Variants in RYK observed in about 807,000 individuals in gnomAD.
RYK encodes receptor like tyrosine kinase.
In RYK, 21 loss-of-function variants were observed where a neutral mutation model predicts 70.2. The observed-to-expected ratio is 0.30, with a 90% confidence interval of 0.21 to 0.43. The LOEUF is 0.43. Among genes scored for constraint, RYK ranks in the 20% least tolerant of loss-of-function variants. The probability of loss-of-function intolerance (pLI) is 1.00; values close to 1 mark genes in which losing one functional copy is unlikely to be tolerated. For synonymous variants in RYK, 267 were observed against 278.0 expected, an observed-to-expected ratio of 0.96 and a Z score of 0.39; for missense variants, 604 against 753.3, an observed-to-expected ratio of 0.80 and a Z score of 2.32.
At chr3:134,194,322 A>G (rs2013745784) in intron 7 of RYK, among the ~76,000 whole-genome samples, 1 of 152,128 alleles carries the variant, frequency 6.6e-6, no homozygotes, top group African/African-American at 2.4e-5. Flanking sequence ...ATTTTTACAC[A>G]TTTTACGTTT....
chr3:134,197,531 T>G (rs1037363504), intron 6 of RYK, among the ~76,000 whole-genome samples: 1 of 152,204 alleles, frequency 6.6e-6, no homozygotes, highest in Non-Finnish European at 1.5e-5. Flanking sequence ...CTACTATAGT[T>G]ATATTAATTA....
At chr3:134,159,453 C>CA in intron 13 of RYK, 80 bp from the exon 14 acceptor site, 1 of 1,319,632 alleles carries the variant, frequency 7.6e-7, no homozygotes, top group Non-Finnish European at 1.0e-6. Flanking sequence ...AGCTACAGGA[C>CA]AAAAAATAAC....
At position 134,242,428 on chromosome 3, in the gene RYK, T is replaced by A. The variant is rs1427793478; in HGVS notation, c.232+7995A>T. On this transcript the variant is annotated intron_variant, in intron 1 of 14. Coordinates refer to ENST00000623711, the MANE Select transcript of RYK (RefSeq NM_002958.4). ...TAACTGAGCAATACACACACGTTTA[T>A]TTTGGCACATTTTAAGAGGACCTTC... Among the ~76,000 whole-genome samples, 7 of 152,356 alleles carry A rather than the reference T, an allele frequency of 4.6e-5. No homozygotes were observed. The East Asian group carries it at 1.3e-3, about 29-fold the overall frequency.
chr3:134,199,639 A>G (rs2013925966), intron 6 of RYK, among the ~76,000 whole-genome samples: 1 of 152,220 alleles, frequency 6.6e-6, no homozygotes, highest in Non-Finnish European at 1.5e-5. Context: ...AGAGAGAAGC[A>G]GCAGATGTCT....
At chr3:134,183,336 C>T in intron 9 of RYK, 1 of 243,894 alleles carries the variant, frequency 4.1e-6, no homozygotes, top group Admixed American at 5.4e-5. Flanking sequence ...AAAACATATG[C>T]AACACATAAG....
At chr3:134,160,529 C>G (rs2012425504) in intron 13 of RYK, among the ~76,000 whole-genome samples, 1 of 152,026 alleles carries the variant, frequency 6.6e-6, no homozygotes, top group Non-Finnish European at 1.5e-5. Flanking sequence ...CTACATTTCC[C>G]CCCAGAATCT....
rs71624038 is a variant in RYK, at chr3:134,249,917, G to GTTTTTTTTTTTTTTTT, written c.232+490_232+505dup. Among the ~76,000 whole-genome samples the GTTTTTTTTTTTTTTTT allele has an allele frequency of 2.9e-4, 27 of 93,330 alleles. 2 individuals are homozygous for GTTTTTTTTTTTTTTTT. The highest frequency in any genetic ancestry group is 1.3e-3 in the African/African-American group (24 of 18,896). The allele number at this position is 93,330 out of a possible 152,430, so 61.2% of individuals were successfully genotyped here. A position where few individuals can be genotyped will look rare whatever the true frequency, so the allele number is the denominator to read the frequency against. On this transcript the variant is annotated intron_variant, in intron 1 of 14. Coordinates refer to ENST00000623711, the MANE Select transcript of RYK (RefSeq NM_002958.4). ...TATAACCTCCCCTTCTTTCTCTCTC[G>GTTTTTTTTTTTTTTTT]TTTTTTTTTTTTTTTTTTTTTTTTT... is the stretch of plus-strand genomic sequence containing the variant.
intron 5 of RYK, among the ~76,000 whole-genome samples, chr3:134,206,643 G>GT (rs1233072221): frequency 2.1e-5 from 3 of 141,606 alleles, no homozygotes; most frequent in Non-Finnish European, 4.8e-5. Context: ...GATTGTGGGG[G>GT]TTTTTTAAAG....
intron 13 of RYK, among the ~76,000 whole-genome samples, chr3:134,166,502 T>A (rs1278673134): frequency 6.6e-6 from 1 of 152,226 alleles, no homozygotes; most frequent in South Asian, 2.1e-4. Flanking sequence ...TTATACGTGA[T>A]TGAAAAGTGA....
intron 8 of RYK, among the ~76,000 whole-genome samples, chr3:134,190,139 G>T (rs1051611740): frequency 2.0e-5 from 3 of 152,162 alleles, no homozygotes; most frequent in African/African-American, 7.2e-5. Flanking sequence ...AAAGACTTTG[G>T]ATAATCTTCA....
chr3:134,186,626 G>T (rs191953904), intron 9 of RYK, among the ~76,000 whole-genome samples: 1 of 152,224 alleles, frequency 6.6e-6, no homozygotes, highest in East Asian at 1.9e-4. Flanking sequence ...TAATTACAGT[G>T]GTAAAGCACA....
At chr3:134,212,669 T>C (rs900640219) in intron 2 of RYK, among the ~76,000 whole-genome samples, 2 of 152,152 alleles carry the variant, frequency 1.3e-5, no homozygotes, top group Admixed American at 6.5e-5. Flanking sequence ...TATTCAAATA[T>C]GTATATATGC....
intron 6 of RYK, among the ~76,000 whole-genome samples, chr3:134,198,783 T>C (rs185069340): frequency 6.6e-6 from 1 of 152,360 alleles, no homozygotes; most frequent in Admixed American, 6.5e-5. Flanking sequence ...CCTCTATTCA[T>C]TGGTTATTCA....
In RYK at chr3:134,250,692, C is replaced by CCCGCCGCA; in HGVS notation, c.-46_-39dup. ...CGCCGCCGAAGAGGAGCGTCGGCCG[C>CCCGCCGCA]CCGCCGCACCGCCGCCCACCCCCGG... On this transcript the variant is annotated 5_prime_UTR_variant, in exon 1 of 15. Transcript: ENST00000623711. 1 of 957,030 alleles carries CCCGCCGCA rather than the reference C, an allele frequency of 1.0e-6. No homozygotes were observed. The highest frequency in any genetic ancestry group is 1.2e-6 in the Non-Finnish European group (1 of 805,874). The allele number at this position is 957,030 out of a possible 1,614,324, so 59.3% of individuals were successfully genotyped here.
intron 1 of RYK, among the ~76,000 whole-genome samples, chr3:134,249,926 T>TTG (rs1298938070): frequency 3.4e-5 from 5 of 146,126 alleles, no homozygotes; most frequent in Admixed American, 6.8e-5. Context: ...CGTTTTTTTT[T>TTG]TTTTTTTTTT....
At chr3:134,178,998 A>G (rs940926879) in intron 10 of RYK, 1 of 152,210 alleles carries the variant, frequency 6.6e-6, no homozygotes, top group Admixed American at 6.5e-5. Flanking sequence ...AATAGCCTTA[A>G]AACATTCCTA....
At chr3:134,168,622 G>A (rs2012778836) in intron 13 of RYK, among the ~76,000 whole-genome samples, 1 of 144,674 alleles carries the variant, frequency 6.9e-6, no homozygotes, top group Non-Finnish European at 1.5e-5. Flanking sequence ...GGCCTTCGTA[G>A]GGTAGGGGGA....
At chr3:134,182,949 G>A in intron 10 of RYK, 53 bp downstream of exon 10, 2 of 1,079,448 alleles carry the variant, frequency 1.9e-6, no homozygotes, top group Non-Finnish European at 1.3e-6. Flanking sequence ...TAAAAATGTG[G>A]CATCAAGTGT....
rs2015598336 is a variant in RYK at position 134,250,713 on chromosome 3, C to G, written c.-59G>C. On this transcript the variant is annotated 5_prime_UTR_variant, in exon 1 of 15. Transcript: ENST00000623711. ...GCCGCCCGCCGCACCGCCGCCCACC[C>G]CCGGCCCCGAGCCGCTCACAGCCCC... 3 of 869,060 alleles carry G rather than the reference C, an allele frequency of 3.5e-6. No homozygotes were observed. Among genetic ancestry groups the G allele is most frequent in the Non-Finnish European group, 4.1e-6 (3 of 725,174 alleles). 53.8% of individuals were successfully genotyped at this position (869,060 alleles called of 1,614,324 possible).
Sources: allele counts gnomAD v4.1 joint callset (sites outside exome capture counted in the v4.1 genomes callset), GRCh38; gene constraint gnomAD v4.1.1; transcripts MANE v1.5; gene names NCBI Gene and HGNC (gene_info 2026-07-23, HGNC 2026-07-21).